The following TFDP1 variants were observed in gnomAD, a reference collection of about 807,000 sequenced individuals.
TFDP1 encodes the protein DRTF1-polypeptide 1.
Under a neutral mutation model 48.0 loss-of-function variants are expected in TFDP1, and 6 were observed. The ratio of observed to expected loss-of-function variants is 0.13; its 90% confidence interval spans 0.07 to 0.25. The LOEUF (loss-of-function observed/expected upper bound fraction) is 0.25. Ranked by LOEUF, TFDP1 falls within the 10% of genes least tolerant of loss-of-function variation. The pLI, the probability that TFDP1 is intolerant of heterozygous loss-of-function variation, is 1.00. For synonymous variants in TFDP1, 201 were observed against 211.6 expected (o/e 0.95, Z 0.44); for missense variants, 335 against 543.0 (o/e 0.62, Z 3.81).
chr13:113,617,424 A>ATGCAGAGCCGCTAACC, intron 3 of TFDP1, among the ~76,000 whole-genome samples: 1 of 140,112 alleles, frequency 7.1e-6, no homozygotes, highest in African/African-American at 3.2e-5. Context: ...AGGCACTCAC[A>ATGCAGAGCCGCTAACC]TGCAGAGCCG....
At position 113,598,163 on chromosome 13, in the gene TFDP1, ACCCCAGC is replaced by A; in HGVS notation, c.12+12317_12+12323del. Among the ~76,000 whole-genome samples the A allele has an allele frequency of 6.6e-6, 1 of 151,808 alleles. No individual in the cohort carries two copies. The highest frequency in any genetic ancestry group is 1.9e-4 in the East Asian group (1 of 5,150). On this transcript the variant is annotated intron_variant, in intron 2 of 11. Transcript: ENST00000375370. The surrounding 1 kb of genome is among the most constrained non-coding windows in gnomAD (Gnocchi z 4.2). ...CCGTCTGGTCCCTCTACTCCCCACC[ACCCCAGC>A]CCTGGAAAACCGTGCCTGCCAGGTT...
rs181367857 is a variant in TFDP1, at chr13:113,623,584, G to A, written c.186+298G>A. On this transcript the variant is annotated intron_variant, in intron 4 of 11. Coordinates refer to ENST00000375370, the MANE Select transcript of TFDP1 (RefSeq NM_007111.5). The surrounding 1 kb of genome is among the most constrained non-coding windows in gnomAD (Gnocchi z 5.2). ...GGGGCCGCGGCCCCAACCAGAGGCA[G>A]CTTCCTTTTAGTGTCAGAGCTCGAA... Among the ~76,000 whole-genome samples, 40 of 152,306 alleles carry A rather than the reference G, an allele frequency of 2.6e-4. No individual in the cohort carries two copies. In the East Asian group the frequency reaches 7.6e-3, roughly 29 times the overall value.
chr13:113,630,863 G>T (rs1211641475), intron 4 of TFDP1, among the ~76,000 whole-genome samples: 1 of 151,958 alleles, frequency 6.6e-6, no homozygotes, highest in South Asian at 2.1e-4. Flanking sequence ...GTGCTGTGGG[G>T]TGGGGCGGGT....
chr13:113,613,604 G>A (rs892280804), intron 3 of TFDP1, among the ~76,000 whole-genome samples: 9 of 146,380 alleles, frequency 6.1e-5, no homozygotes, highest in Admixed American at 2.7e-4. Flanking sequence ...GTGTGTATGC[G>A]TGAATGCGTG....
At chr13:113,637,550 C>A in intron 10 of TFDP1, 1 of 1,419,014 alleles carries the variant, frequency 7.0e-7, no homozygotes, top group Non-Finnish European at 9.4e-7. Flanking sequence ...ACTGAGGCAG[C>A]AGCACACGTG....
intron 3 of TFDP1, among the ~76,000 whole-genome samples, chr13:113,622,208 C>T (rs374709073): frequency 6.6e-6 from 1 of 152,202 alleles, no homozygotes; most frequent in South Asian, 2.1e-4. Context: ...GGGCCACTAC[C>T]GGTCTCTGCG....
At chr13:113,639,603 A>G (rs1267479744) in intron 11 of TFDP1, among the ~76,000 whole-genome samples, 2 of 152,230 alleles carry the variant, frequency 1.3e-5, no homozygotes, top group East Asian at 3.9e-4. Flanking sequence ...ATGTTAATTG[A>G]AAACATCTTT....
chr13:113,634,615 G>C lies in TFDP1; in HGVS notation c.687+13G>C. 1 of 1,591,806 alleles carries C rather than the reference G, an allele frequency of 6.3e-7. No homozygotes were observed. Among genetic ancestry groups the C allele is most frequent in the Admixed American group, 1.8e-5 (1 of 56,990 alleles). On this transcript the variant is annotated intron_variant, in intron 8 of 11. Transcript: ENST00000375370. ...ACTTATTCTACAGGTAAGAGAATAC[G>C]TATCTGTGGAGGCAGGGTAATTTTT...
chr13:113,635,744 C>T (rs970734008), intron 8 of TFDP1, among the ~76,000 whole-genome samples: 4 of 152,194 alleles, frequency 2.6e-5, no homozygotes, highest in African/African-American at 4.8e-5. Context: ...TATCAGGGCA[C>T]GGATGGCTGT....
chr13:113,617,760 G>C (rs1049064257), intron 3 of TFDP1, among the ~76,000 whole-genome samples: 1 of 152,206 alleles, frequency 6.6e-6, no homozygotes, highest in Non-Finnish European at 1.5e-5. Context: ...GGGCAAAATA[G>C]TAACTCTTAG....
At chr13:113,620,613 T>C (rs781607836) in intron 3 of TFDP1, among the ~76,000 whole-genome samples, 9 of 152,278 alleles carry the variant, frequency 5.9e-5, no homozygotes, top group Non-Finnish European at 4.4e-5. Context: ...ATTTTTGCTT[T>C]TAAAATGCCT....
chr13:113,639,896 T>C (rs555620947), intron 11 of TFDP1, among the ~76,000 whole-genome samples: 51 of 152,388 alleles, frequency 3.3e-4, no homozygotes, highest in African/African-American at 1.2e-3. Context: ...TCTGTCGTTA[T>C]GGGTTCCAGG....
rs2048246335 is a variant in TFDP1 at position 113,594,775 on chromosome 13, A to T, written c.12+8926A>T. Reference sequence around the variant, plus strand: ...TGCTTTTTAATTGTATCCATTAAGTAGACTTTCCACAAGAAAATAATATGA... The same window carrying T: ...TGCTTTTTAATTGTATCCATTAAGTTGACTTTCCACAAGAAAATAATATGA... On this transcript the variant is annotated intron_variant, in intron 2 of 11. Transcript: ENST00000375370. Among the ~76,000 whole-genome samples, 4 of 152,380 alleles carry T rather than the reference A, an allele frequency of 2.6e-5. No individual in the cohort carries two copies. The South Asian group carries it at 8.3e-4, about 32-fold the overall frequency.
At chr13:113,604,879 G>A (rs1490831234) in intron 2 of TFDP1, among the ~76,000 whole-genome samples, 1 of 152,226 alleles carries the variant, frequency 6.6e-6, no homozygotes, top group East Asian at 1.9e-4. Context: ...GTTTACTGCT[G>A]TGTGCAGGCC....
At position 113,599,027 on chromosome 13, in the gene TFDP1, C is replaced by T. The variant is rs1321224534; in HGVS notation, c.13-11969C>T. 2.0e-5 allele frequency among the ~76,000 whole-genome samples: 3 copies of T among 152,322 alleles called. No individual in the cohort carries two copies. In the East Asian group the frequency reaches 5.8e-4, roughly 29 times the overall value. The stretch of plus-strand genomic sequence containing the variant: ...ATCTGAAATGACAGTCAACGGGGCT[C>T]TGCTGTTAAGGCTTTTTGGTGATTG... On this transcript the variant is annotated intron_variant, in intron 2 of 11. Transcript: ENST00000375370.
At chr13:113,602,550 C>T (rs1170469718) in intron 2 of TFDP1, among the ~76,000 whole-genome samples, 2 of 152,266 alleles carry the variant, frequency 1.3e-5, no homozygotes, top group African/African-American at 4.8e-5. Flanking sequence ...GCCCTGGGGT[C>T]TGGCGCAGGC....
At chr13:113,586,028 C>T (rs752064113) in intron 2 of TFDP1, 179 bp downstream of exon 2, 4 of 611,340 alleles carry the variant, frequency 6.5e-6, no homozygotes, top group Admixed American at 5.9e-5. Flanking sequence ...TCTGAAGCTG[C>T]GGTCACCACC....
At position 113,622,956 on chromosome 13, in the gene TFDP1, C is replaced by T. The variant is rs111847442; in HGVS notation, c.80-224C>T. Among the ~76,000 whole-genome samples, 669 of 152,370 alleles carry T rather than the reference C, an allele frequency of 4.4e-3. 5 individuals are homozygous for T. Among genetic ancestry groups the T allele is most frequent in the African/African-American group, 0.015 (634 of 41,600 alleles). On this transcript the variant is annotated intron_variant, in intron 3 of 11. Coordinates refer to ENST00000375370, the MANE Select transcript of TFDP1 (RefSeq NM_007111.5). ...GGAGCAGTGGATGATCTGCCTGGGT[C>T]ACCTGGGTGGCGTCAGCGCGGCCCT... is the stretch of plus-strand genomic sequence containing the variant.
At chr13:113,601,800 G>T (rs567831294) in intron 2 of TFDP1, among the ~76,000 whole-genome samples, 1 of 152,364 alleles carries the variant, frequency 6.6e-6, no homozygotes, top group East Asian at 1.9e-4. Context: ...AGTTGATGGG[G>T]GAGCAGACAG....
Sources: gnomAD v4.1 joint callset for allele counts (sites outside exome capture counted in the v4.1 genomes callset) on GRCh38, gnomAD v4.1.1 for gene constraint, Gnocchi (gnomAD v3.1) non-coding constraint, MANE v1.5 for transcripts, NCBI Gene and HGNC (gene_info 2026-07-23, HGNC 2026-07-21) for gene names.